The following NDUFAF6 variants were observed in gnomAD, a reference collection of about 807,000 sequenced individuals.
NDUFAF6 encodes NADH dehydrogenase (ubiquinone) complex I, assembly factor 6.
In NDUFAF6, 45 loss-of-function variants were observed where a neutral mutation model predicts 40.8. That is an observed-to-expected ratio of 1.10 (90% CI 0.87 to 1.42). The LOEUF is 1.42. Among genes scored for constraint, NDUFAF6 ranks in the 40% most tolerant of loss-of-function variants. NDUFAF6 has a pLI of 0.00. For missense variants in NDUFAF6, 435 were observed against 418.5 expected (o/e 1.04, Z -0.34); for synonymous variants, 185 against 155.9 (o/e 1.19, Z -1.39).
chr8:94,898,670 G>A (rs1817822048), intron 1 of NDUFAF6, among the ~76,000 whole-genome samples: 1 of 152,166 alleles, frequency 6.6e-6, no homozygotes, highest in Admixed American at 6.5e-5. Flanking sequence ...GGAAGTCACT[G>A]TGTGCAGCCC....
chr8:94,974,081 G>A (rs1275975133), intron 1 of NDUFAF6, among the ~76,000 whole-genome samples: 3 of 152,114 alleles, frequency 2.0e-5, no homozygotes, highest in Non-Finnish European at 4.4e-5. Context: ...AGTCCTCAAG[G>A]TTAGAGCAGG....
chr8:94,986,765 G>C (rs1174596849), intron 2 of NDUFAF6, among the ~76,000 whole-genome samples: 1 of 152,188 alleles, frequency 6.6e-6, no homozygotes, highest in Non-Finnish European at 1.5e-5. Context: ...TGGTTTCTGT[G>C]ACATGATGAT....
At chr8:94,897,893 G>T (rs977943251) in intron 1 of NDUFAF6, among the ~76,000 whole-genome samples, 22 of 152,118 alleles carry the variant, frequency 1.4e-4, no homozygotes, top group African/African-American at 5.3e-4. Flanking sequence ...GGCATATATA[G>T]TAGGACTTGG....
intron 1 of NDUFAF6, among the ~76,000 whole-genome samples, chr8:94,938,729 C>T (rs1821232733): frequency 6.6e-6 from 1 of 152,228 alleles, no homozygotes; most frequent in Non-Finnish European, 1.5e-5. Flanking sequence ...GCACAGAGGG[C>T]ATGGGCCTTG....
chr8:94,903,435 A>T (rs1818159144), intron 1 of NDUFAF6, among the ~76,000 whole-genome samples: 1 of 152,250 alleles, frequency 6.6e-6, no homozygotes, highest in Admixed American at 6.5e-5. Context: ...CAACCGGGAT[A>T]AATCTCAGAA....
At chr8:95,091,515 C>T (rs1809252039) in intron 2 of NDUFAF6, among the ~76,000 whole-genome samples, 1 of 152,054 alleles carries the variant, frequency 6.6e-6, no homozygotes, top group African/African-American at 2.4e-5. Context: ...AACCATATCA[C>T]CCGCCATGGC....
intron 1 of NDUFAF6, among the ~76,000 whole-genome samples, chr8:94,906,906 T>C (rs956440384): frequency 6.6e-6 from 1 of 152,248 alleles, no homozygotes. Context: ...TGTCTCCCAC[T>C]AGAAGTTCTT....
At chr8:94,900,118 A>G (rs990573288) in intron 1 of NDUFAF6, among the ~76,000 whole-genome samples, 1 of 152,066 alleles carries the variant, frequency 6.6e-6, no homozygotes, top group Admixed American at 6.5e-5. Context: ...CTCTTCTCCA[A>G]CTTATGCTTG....
At chr8:94,959,666 G>A (rs781065131) in intron 1 of NDUFAF6, among the ~76,000 whole-genome samples, 1 of 152,020 alleles carries the variant, frequency 6.6e-6, no homozygotes, top group African/African-American at 2.4e-5. Flanking sequence ...GAGTAGTTGG[G>A]ACTACAGGTG....
chr8:94,898,539 C>A (rs921467885), intron 1 of NDUFAF6, among the ~76,000 whole-genome samples: 2 of 152,098 alleles, frequency 1.3e-5, no homozygotes, highest in African/African-American at 4.8e-5. Context: ...GAGTTCATAC[C>A]GACATCATGA....
At chr8:95,026,735 C>T (rs1828190327) in intron 1 of NDUFAF6, among the ~76,000 whole-genome samples, 1 of 152,014 alleles carries the variant, frequency 6.6e-6, no homozygotes, top group African/African-American at 2.4e-5. Flanking sequence ...TCTATTTTTC[C>T]AGGGATAGTC....
intron 8 of NDUFAF6, among the ~76,000 whole-genome samples, chr8:95,057,441 G>T (rs866747026): frequency 1.3e-5 from 2 of 152,100 alleles, no homozygotes; most frequent in African/African-American, 4.8e-5. Context: ...CACTACATTT[G>T]GGGGGTCGGG....
At chr8:95,053,369 ACCCTGT>A (rs1831662367) in intron 8 of NDUFAF6, among the ~76,000 whole-genome samples, 1 of 152,074 alleles carries the variant, frequency 6.6e-6, no homozygotes, top group African/African-American at 2.4e-5. Flanking sequence ...ATTCTGTATC[ACCCTGT>A]TTAGTGGTTA....
intron 1 of NDUFAF6, among the ~76,000 whole-genome samples, chr8:94,965,092 C>T (rs1307317291): frequency 1.3e-5 from 2 of 152,154 alleles, no homozygotes; most frequent in African/African-American, 4.8e-5. Flanking sequence ...AGGGAAGAGT[C>T]TGCAGTCAAC....
At chr8:94,931,609 C>CATATATATAT (rs1554629448) in intron 1 of NDUFAF6, among the ~76,000 whole-genome samples, 8 of 151,678 alleles carry the variant, frequency 5.3e-5, no homozygotes, top group South Asian at 2.1e-4. Flanking sequence ...CACACACACA[C>CATATATATAT]ATAAAATTTT....
intron 9 of NDUFAF6, chr8:95,068,977 C>G (rs1832766594): frequency 6.6e-6 from 1 of 151,896 alleles, no homozygotes; most frequent in Admixed American, 6.5e-5. Context: ...TCTTCCTACT[C>G]TTGACTCTGC....
intron 2 of NDUFAF6, among the ~76,000 whole-genome samples, chr8:94,985,628 C>G (rs1189523391): frequency 7.2e-6 from 1 of 139,168 alleles, no homozygotes; most frequent in African/African-American, 2.7e-5. Flanking sequence ...CTCCGCCTCC[C>G]AGGTTCAAGC....
intron 2 of NDUFAF6, among the ~76,000 whole-genome samples, chr8:94,993,565 G>A (rs964549521): frequency 1.3e-5 from 2 of 152,200 alleles, no homozygotes; most frequent in African/African-American, 4.8e-5. Flanking sequence ...AGGGATGGAT[G>A]TTGCTATAAC....
chr8:94,930,583 T>G, intron 1 of NDUFAF6: 1 of 1,614,254 alleles, frequency 6.2e-7, no homozygotes, highest in Non-Finnish European at 8.5e-7. Flanking sequence ...CGAAGGCTAT[T>G]TCTGTTAAGA....
Sources: gnomAD v4.1 joint callset for allele counts (sites outside exome capture counted in the v4.1 genomes callset) on GRCh38, gnomAD v4.1.1 for gene constraint, MANE v1.5 for transcripts, NCBI Gene and HGNC (gene_info 2026-07-23, HGNC 2026-07-21) for gene names.